Variants in RBFOX1 observed in about 807,000 individuals in gnomAD.
RBFOX1 encodes the protein RNA binding protein fox-1 homolog 1.
A neutral mutation model predicts 57.7 loss-of-function variants in RBFOX1; 8 were observed. The ratio of observed to expected loss-of-function variants is 0.14; its 90% CI spans 0.08 to 0.25. The LOEUF (loss-of-function observed/expected upper bound fraction) is 0.25. Ranked by LOEUF, RBFOX1 falls within the 10% of genes least tolerant of loss-of-function variation. The pLI is 1.00. For synonymous variants in RBFOX1, 326 were observed against 222.4 expected, an observed-to-expected ratio of 1.47 and a Z score of -4.15; for missense variants, 611 against 548.5, an observed-to-expected ratio of 1.11 and a Z score of -1.14.
chr16:5,871,913 C>G (rs546541128), intron 4 of RBFOX1, among the ~76,000 whole-genome samples: 2 of 152,244 alleles, frequency 1.3e-5, no homozygotes, highest in Non-Finnish European at 2.9e-5. Flanking sequence ...TCTGCTATCC[C>G]AAATAATTGC....
intron 11 of RBFOX1, among the ~76,000 whole-genome samples, chr16:7,633,941 C>G (rs981686008): frequency 5.3e-5 from 8 of 152,170 alleles, no homozygotes; most frequent in African/African-American, 1.4e-4. Flanking sequence ...AAACCATTCC[C>G]CATTTCCTGC....
chr16:7,020,503 G>A (rs1394574853), intron 3 of RBFOX1, among the ~76,000 whole-genome samples: 1 of 152,164 alleles, frequency 6.6e-6, no homozygotes, highest in Non-Finnish European at 1.5e-5. Flanking sequence ...TCAGGCGTCA[G>A]CCACCGCGCC....
chr16:6,058,739 A>G (rs1365520209), intron 1 of RBFOX1, among the ~76,000 whole-genome samples: 2 of 148,202 alleles, frequency 1.3e-5, no homozygotes, highest in East Asian at 4.0e-4. Context: ...CCACCAATCC[A>G]TCCACCTATC....
At chr16:6,131,730 C>T (rs1338196599) in intron 1 of RBFOX1, among the ~76,000 whole-genome samples, 2 of 152,194 alleles carry the variant, frequency 1.3e-5, no homozygotes, top group Admixed American at 6.5e-5. Context: ...ATTTCCTCCC[C>T]ACTGGCCTTC....
At chr16:7,045,781 G>C (rs781127168) in intron 3 of RBFOX1, among the ~76,000 whole-genome samples, 1 of 151,856 alleles carries the variant, frequency 6.6e-6, no homozygotes, top group African/African-American at 2.4e-5. Context: ...TCAGCCTCCT[G>C]AGTAGCTGGG....
intron 4 of RBFOX1, among the ~76,000 whole-genome samples, chr16:7,408,515 C>T (rs2098384172): frequency 6.6e-6 from 1 of 152,178 alleles, no homozygotes; most frequent in South Asian, 2.1e-4. Context: ...TAATTCCCGA[C>T]ACTTTTCATC....
chr16:7,225,921 A>ATATATATATATATATATATATATATAT (rs1567789355), intron 4 of RBFOX1, among the ~76,000 whole-genome samples: 1 of 73,196 alleles, frequency 1.4e-5, no homozygotes, highest in Admixed American at 1.2e-4. Context: ...TATATATATA[A>ATATATATATATATATATATATATATAT]ATGTGAATGT....
At chr16:7,652,027 C>G (rs556255887) in intron 11 of RBFOX1, among the ~76,000 whole-genome samples, 1 of 151,266 alleles carries the variant, frequency 6.6e-6, no homozygotes, top group East Asian at 2.0e-4. Flanking sequence ...GGAGGAAGGG[C>G]ATCCCAGGTA....
intron 2 of RBFOX1, among the ~76,000 whole-genome samples, chr16:6,391,286 G>T (rs547167381): frequency 1.4e-4 from 21 of 152,232 alleles, no homozygotes; most frequent in African/African-American, 5.1e-4. Context: ...CAGGCGGGCC[G>T]ATCACGAGGT....
chr16:5,522,784 T>G (rs1221204442), intron 2 of RBFOX1, among the ~76,000 whole-genome samples: 1 of 152,208 alleles, frequency 6.6e-6, no homozygotes. Flanking sequence ...GGAGTAAGAA[T>G]GCGTCACGTT....
chr16:7,527,202 G>T (rs530819726), intron 5 of RBFOX1, among the ~76,000 whole-genome samples: 1 of 152,080 alleles, frequency 6.6e-6, no homozygotes, highest in East Asian at 1.9e-4. Context: ...GAAGACATGG[G>T]TACTGTCTCT....
At chr16:6,056,306 A>G (rs576581446) in intron 1 of RBFOX1, among the ~76,000 whole-genome samples, 2 of 152,298 alleles carry the variant, frequency 1.3e-5, no homozygotes, top group South Asian at 2.1e-4. Flanking sequence ...TTGTCTTTCA[A>G]GTGAGGTTTT....
chr16:7,204,487 T>C (rs981368963), intron 4 of RBFOX1, among the ~76,000 whole-genome samples: 1 of 152,088 alleles, frequency 6.6e-6, no homozygotes, highest in African/African-American at 2.4e-5. Flanking sequence ...ATAAAAATTA[T>C]AATAGTAAAT....
At chr16:6,665,341 C>A (rs74747456) in intron 3 of RBFOX1, among the ~76,000 whole-genome samples, 3 of 152,116 alleles carry the variant, frequency 2.0e-5, no homozygotes, top group African/African-American at 7.2e-5. Context: ...GGGCTGGGCA[C>A]GGTGGCTCAC....
intron 4 of RBFOX1, among the ~76,000 whole-genome samples, chr16:7,069,770 T>A (rs536860767): frequency 1.3e-5 from 2 of 152,294 alleles, no homozygotes; most frequent in East Asian, 3.9e-4. Context: ...AAGCCCCAGT[T>A]GCCCATAGTG....
At chr16:7,338,827 A>G (rs1439269264) in intron 4 of RBFOX1, among the ~76,000 whole-genome samples, 1 of 152,198 alleles carries the variant, frequency 6.6e-6, no homozygotes, top group Non-Finnish European at 1.5e-5. Context: ...AACTTGAAAA[A>G]CAACAGCTTG....
In RBFOX1 at chr16:6,773,500, CTA is replaced by C. The variant is rs571199307; in HGVS notation, c.-16+118852_-16+118853del. Among the ~76,000 whole-genome samples, 277 of 96,764 alleles carry C rather than the reference CTA, an allele frequency of 2.9e-3. 1 individual carries two copies. The highest frequency in any genetic ancestry group is 0.011 in the African/African-American group (268 of 24,064). The allele number at this position is 96,764 out of a possible 152,430, so 63.5% of individuals were successfully genotyped here. On this transcript the variant is annotated intron_variant, in intron 3 of 15. Coordinates refer to ENST00000550418, the MANE Select transcript of RBFOX1 (RefSeq NM_018723.4). ...GGGTGTGGGGTATATTTGTGTGTGT[CTA>C]TGTGTATGTGTAGGAGTTGGTTGCA...
At chr16:5,750,393 C>T (rs1379522942) in intron 3 of RBFOX1, among the ~76,000 whole-genome samples, 1 of 152,206 alleles carries the variant, frequency 6.6e-6, no homozygotes, top group African/African-American at 2.4e-5. Flanking sequence ...CTCTTCAAAG[C>T]TGTCAGACAG....
chr16:6,842,174 A>AT (rs1465436721), intron 3 of RBFOX1, among the ~76,000 whole-genome samples: 2 of 151,568 alleles, frequency 1.3e-5, no homozygotes, highest in African/African-American at 4.8e-5. Context: ...AAATAAATAA[A>AT]TAAATAAATA....
Sources: gnomAD v4.1 joint callset for allele counts (sites outside exome capture counted in the v4.1 genomes callset) on GRCh38, gnomAD v4.1.1 for gene constraint, MANE v1.5 for transcripts, NCBI Gene and HGNC (gene_info 2026-07-23, HGNC 2026-07-21) for gene names.